The following SYNE1 variants were observed in gnomAD, a reference collection of about 807,000 sequenced individuals.
SYNE1 encodes the protein spectrin repeat containing nuclear envelope protein 1.
A neutral mutation model predicts 1,111.0 loss-of-function variants in SYNE1; 616 were observed. The ratio of observed to expected loss-of-function variants is 0.55; its 90% CI spans 0.52 to 0.59. The LOEUF is 0.59. Ranked by LOEUF, SYNE1 falls within the 20% of genes least tolerant of loss-of-function variation. The pLI is 0.00. For missense variants in SYNE1, 10,006 were observed against 10,417.0 expected, an observed-to-expected ratio of 0.96 and a Z score of 1.72; for synonymous variants, 3,855 against 3,825.8, an observed-to-expected ratio of 1.01 and a Z score of -0.28.
chr6:152,462,630 T>C (rs2098741119), intron 20 of SYNE1, 108 bp downstream of exon 20: 8 of 1,342,224 alleles, frequency 6.0e-6, no homozygotes, highest in Non-Finnish European at 8.5e-6. Context: ...CATGTCAAAA[T>C]GATGCCCAGG....
intron 124 of SYNE1, among the ~76,000 whole-genome samples, chr6:152,210,095 C>T (rs1453007112): frequency 6.6e-6 from 1 of 152,134 alleles, no homozygotes; most frequent in African/African-American, 2.4e-5. Flanking sequence ...ACTTGAAGCT[C>T]TAAAAAACGT....
At chr6:152,184,739 T>C (rs1587158835) in intron 128 of SYNE1, among the ~76,000 whole-genome samples, 1 of 152,252 alleles carries the variant, frequency 6.6e-6, no homozygotes, top group African/African-American at 2.4e-5. Context: ...TTCATTTTCT[T>C]ACCACGGAGC....
intron 131 of SYNE1, among the ~76,000 whole-genome samples, chr6:152,157,187 A>G (rs1395100184): frequency 6.6e-6 from 1 of 152,250 alleles, no homozygotes; most frequent in African/African-American, 2.4e-5. Flanking sequence ...ATGGTTATCA[A>G]TGGACGAACA....
chr6:152,357,398 T>C (rs1218747087), intron 66 of SYNE1, among the ~76,000 whole-genome samples: 2 of 152,224 alleles, frequency 1.3e-5, no homozygotes, highest in African/African-American at 4.8e-5. Context: ...GTTCAAGCTG[T>C]AGGTAAAACT....
At chr6:152,520,118 G>A (rs2154347941) in intron 6 of SYNE1, among the ~76,000 whole-genome samples, 1 of 152,224 alleles carries the variant, frequency 6.6e-6, no homozygotes, top group East Asian at 1.9e-4. Flanking sequence ...AGTGGGTCCT[G>A]GAACAGACAC....
intron 75 of SYNE1, among the ~76,000 whole-genome samples, chr6:152,338,060 A>C (rs755371252): frequency 9.2e-5 from 14 of 151,936 alleles, no homozygotes; most frequent in Non-Finnish European, 1.6e-4. Context: ...AGGCACAAGA[A>C]TTGCTTGAAT....
chr6:152,479,760 T>C (rs779040073), intron 14 of SYNE1, among the ~76,000 whole-genome samples: 3 of 152,204 alleles, frequency 2.0e-5, no homozygotes, highest in Non-Finnish European at 4.4e-5. Context: ...ATAATACAGG[T>C]ACACTATGTT....
At chr6:152,199,494 C>A (rs2074949900) in intron 127 of SYNE1, among the ~76,000 whole-genome samples, 1 of 152,032 alleles carries the variant, frequency 6.6e-6, no homozygotes, top group African/African-American at 2.4e-5. Flanking sequence ...AGATTATGTA[C>A]CCTGTCTTTT....
intron 63 of SYNE1, among the ~76,000 whole-genome samples, 157 bp from the exon 64 acceptor site, chr6:152,362,480 C>T (rs751727784): frequency 3.3e-5 from 5 of 152,290 alleles, no homozygotes; most frequent in Middle Eastern, 3.4e-3. Context: ...CTTAAGGACA[C>T]TGAGTCCAGG....
At chr6:152,288,247 C>A (rs1718371232) in intron 95 of SYNE1, among the ~76,000 whole-genome samples, 1 of 152,070 alleles carries the variant, frequency 6.6e-6, no homozygotes, top group Non-Finnish European at 1.5e-5. Flanking sequence ...TTTATAGTGC[C>A]TCCTACCCAC....
intron 99 of SYNE1, 64 bp downstream of exon 99, chr6:152,269,091 A>G: frequency 6.2e-7 from 1 of 1,612,566 alleles, no homozygotes; most frequent in Non-Finnish European, 8.5e-7. Flanking sequence ...TCCTTCTGAA[A>G]TATGCCTCTC....
intron 105 of SYNE1, 76 bp from the exon 106 acceptor site, chr6:152,244,732 T>G: frequency 6.3e-6 from 10 of 1,578,764 alleles, no homozygotes; most frequent in Non-Finnish European, 8.7e-6. Context: ...ATTGTATCTC[T>G]TTCTGTGTTC....
At position 152,221,043 on chromosome 6, in the gene SYNE1, C is replaced by A; in HGVS notation, c.21660G>T (p.Trp7220Cys). 1.2e-6 allele frequency: 2 copies of A among 1,614,018 alleles called. No homozygotes were observed. Among genetic ancestry groups the A allele is most frequent in the South Asian group, 1.1e-5 (1 of 91,068 alleles). ...CAGCAATCTCTTCCAGCAAGTTATT[C>A]CATCTGGAAATAATAACCAACACTC... The part of the protein sequence containing the change: ...TNTLKEVNMR[W>C]NNLLEEIAEQ... Residue 7220 changes from tryptophan to cysteine, a missense_variant, in exon 119 of 146, where the codon TGG becomes TGT. Around this residue, in one of 7 missense-constraint regions of SYNE1, gnomAD observed 2,182 missense variants for 2,287.8 expected, o/e 0.95. Coordinates refer to ENST00000367255, the MANE Select transcript of SYNE1 (RefSeq NM_182961.4).
At chr6:152,578,190 T>C (rs1360361323) in intron 3 of SYNE1, among the ~76,000 whole-genome samples, 2 of 152,298 alleles carry the variant, frequency 1.3e-5, no homozygotes, top group South Asian at 4.2e-4. Context: ...TTATGAAATA[T>C]TTACAGATTC....
intron 32 of SYNE1, among the ~76,000 whole-genome samples, chr6:152,438,476 A>G (rs1164238676): frequency 6.6e-6 from 1 of 152,182 alleles, no homozygotes; most frequent in East Asian, 1.9e-4. Flanking sequence ...ACAGAATAAC[A>G]TTGTAAGGCC....
intron 3 of SYNE1, among the ~76,000 whole-genome samples, chr6:152,615,675 T>G (rs1473104764): frequency 6.6e-6 from 1 of 152,228 alleles, no homozygotes; most frequent in Non-Finnish European, 1.5e-5. Context: ...TACATTAATT[T>G]GTTATTAAAT....
intron 107 of SYNE1, among the ~76,000 whole-genome samples, chr6:152,241,068 C>T (rs565434972): frequency 1.3e-5 from 2 of 152,348 alleles, no homozygotes; most frequent in Admixed American, 1.3e-4. Flanking sequence ...GAAGGGCTGT[C>T]TGCTCAATGG....
chr6:152,312,075 C>T (rs889432837), intron 87 of SYNE1, among the ~76,000 whole-genome samples: 3 of 152,136 alleles, frequency 2.0e-5, no homozygotes, highest in African/African-American at 7.2e-5. Context: ...TGAGCCACTG[C>T]GCACAGCCGG....
At chr6:152,278,804 G>C (rs1045661114) in intron 97 of SYNE1, among the ~76,000 whole-genome samples, 2 of 151,942 alleles carry the variant, frequency 1.3e-5, no homozygotes, top group African/African-American at 4.8e-5. Context: ...GTCTTGTTCT[G>C]TTGCCCAGGC....
Sources: gnomAD v4.1 joint callset for allele counts (sites outside exome capture counted in the v4.1 genomes callset) on GRCh38, gnomAD v4.1.1 for gene constraint, gnomAD v4.1.1 regional missense constraint, MANE v1.5 for transcripts, NCBI Gene and HGNC (gene_info 2026-07-23, HGNC 2026-07-21) for gene names.